Variants in CACNA1A observed in about 807,000 individuals in gnomAD.
CACNA1A encodes calcium voltage-gated channel subunit alpha1 A, also known as voltage-dependent P/Q-type calcium channel subunit alpha-1A.
A neutral mutation model predicts 262.4 loss-of-function variants in CACNA1A; 57 were observed. The observed-to-expected ratio is 0.22, with a 90% confidence interval of 0.18 to 0.27. The LOEUF is 0.27. CACNA1A is among the 10% of genes least tolerant of loss of function. CACNA1A has a pLI of 1.00. For synonymous variants in CACNA1A, 1,431 were observed against 1,419.3 expected (o/e 1.01, Z -0.18); for missense variants, 2,526 against 3,562.8 (o/e 0.71, Z 7.41).
intron 3 of CACNA1A, among the ~76,000 whole-genome samples, chr19:13,437,434 T>C (rs1376057930): frequency 6.6e-6 from 1 of 152,174 alleles, no homozygotes; most frequent in East Asian, 1.9e-4. Context: ...CTCACGCCTC[T>C]AATCCCAGCA....
chr19:13,302,419 A>C (rs576727997), intron 17 of CACNA1A, among the ~76,000 whole-genome samples: 1 of 152,298 alleles, frequency 6.6e-6, no homozygotes, highest in Non-Finnish European at 1.5e-5. Flanking sequence ...GGTGCTCATT[A>C]AGTGCTTACT....
At chr19:13,411,357 G>A (rs983925312) in intron 3 of CACNA1A, among the ~76,000 whole-genome samples, 6 of 152,152 alleles carry the variant, frequency 3.9e-5, no homozygotes, top group African/African-American at 7.2e-5. Flanking sequence ...TGTCAAGGGC[G>A]GCGCCAGGTG....
chr19:13,245,191 A>T lies in CACNA1A; in HGVS notation c.4941T>A (p.Thr1647=), dbSNP rs765899969. ...CTGGAGGGAGACTTACCCCAAACTC[A>T]GTCACGAGGATATCGGTGATGCTGC... is the stretch of plus-strand genomic sequence containing the variant. ...VLGSITDILV[T]EFGNNFINLS... Residue 1647 remains threonine, a synonymous_variant, in exon 31 of 47, where the codon ACT becomes ACA. Transcript: ENST00000360228. 5.1e-5 allele frequency: 82 copies of T among 1,613,288 alleles called. No homozygotes were observed.
intron 27 of CACNA1A, chr19:13,259,264 G>A: frequency 5.7e-6 from 1 of 174,264 alleles, no homozygotes; most frequent in Admixed American, 6.9e-5. Flanking sequence ...TCGTGTCTCA[G>A]CCTCCTGAGT....
rs199933326 is a variant in CACNA1A, at chr19:13,291,800, G to GT, written c.3090-4835dup. On this transcript the variant is annotated intron_variant, in intron 19 of 46. Coordinates refer to ENST00000360228, the MANE Select transcript of CACNA1A (RefSeq NM_001127222.2). ...CCAGCCTGGGTAACAGAGCAAGACT[G>GT]TTTTTTTTTAAAAAAACCAACTTGG... Among the ~76,000 whole-genome samples, 421 of 150,972 alleles carry GT rather than the reference G, an allele frequency of 2.8e-3. 3 individuals carry two copies. The highest frequency in any genetic ancestry group is 8.4e-3 in the African/African-American group (346 of 41,156).
chr19:13,496,821 A>G (rs1981590565), intron 1 of CACNA1A, among the ~76,000 whole-genome samples: 1 of 152,226 alleles, frequency 6.6e-6, no homozygotes, highest in African/African-American at 2.4e-5. Context: ...TCTTCCATGT[A>G]TAAACACATA....
intron 1 of CACNA1A, among the ~76,000 whole-genome samples, chr19:13,458,701 G>A (rs1421759549): frequency 1.3e-5 from 2 of 152,134 alleles, no homozygotes; most frequent in African/African-American, 4.8e-5. Context: ...CCCACCAGAG[G>A]ATCTGCAGGG....
intron 38 of CACNA1A, among the ~76,000 whole-genome samples, chr19:13,216,969 G>T (rs770112690): frequency 2.6e-5 from 4 of 152,052 alleles, no homozygotes; most frequent in Non-Finnish European, 5.9e-5. Context: ...CCAGTCTCTA[G>T]TAAAAATGCA....
At chr19:13,374,230 C>G (rs1262229312) in intron 3 of CACNA1A, among the ~76,000 whole-genome samples, 1 of 152,044 alleles carries the variant, frequency 6.6e-6, no homozygotes, top group African/African-American at 2.4e-5. Context: ...TGACATACAA[C>G]TTTACAAAAA....
At chr19:13,288,178 A>G (rs946257320) in intron 19 of CACNA1A, among the ~76,000 whole-genome samples, 1 of 151,834 alleles carries the variant, frequency 6.6e-6, no homozygotes, top group Non-Finnish European at 1.5e-5. Flanking sequence ...ATGCTGGGTA[A>G]ACTTACTGTC....
At chr19:13,357,264 C>A (rs529039772) in intron 6 of CACNA1A, among the ~76,000 whole-genome samples, 1 of 152,280 alleles carries the variant, frequency 6.6e-6, no homozygotes, top group East Asian at 1.9e-4. Flanking sequence ...TGACCTTGAG[C>A]AGCAGGATGT....
At chr19:13,222,645 T>C (rs2055276811) in intron 38 of CACNA1A, among the ~76,000 whole-genome samples, 1 of 151,876 alleles carries the variant, frequency 6.6e-6, no homozygotes, top group Non-Finnish European at 1.5e-5. Context: ...TCTGCCCGCC[T>C]CGGCCTCCCA....
chr19:13,224,710 G>A lies in CACNA1A; in HGVS notation c.5688C>T (p.Leu1896=). Residue 1896 remains leucine (L), a synonymous_variant, in exon 38 of 47, where the codon CTC becomes CTT. Transcript: ENST00000360228. ...DDNTVHFNST[L]MALIRTALDI... ...CCAGGGCTGTGCGGATCAGAGCCAT[G>A]AGGGTGGAATTGAAGTGGACGGTGT... 6.2e-7 allele frequency: 1 copy of A among 1,613,096 alleles called. No individual in the cohort carries two copies. Among genetic ancestry groups the A allele is most frequent in the Non-Finnish European group, 8.5e-7 (1 of 1,179,592 alleles).
intron 19 of CACNA1A, among the ~76,000 whole-genome samples, chr19:13,292,173 T>C (rs1006863907): frequency 6.6e-6 from 1 of 152,172 alleles, no homozygotes; most frequent in African/African-American, 2.4e-5. Context: ...GCCACTGGGC[T>C]CGGCCACCTG....
chr19:13,241,775 G>A lies in CACNA1A; in HGVS notation c.4950+3407C>T, dbSNP rs913882655. The stretch of plus-strand genomic sequence containing the variant: ...TTTTGATTGGATGAGTTTTTCAGAC[G>A]GCGTTGCGCCAATATACAGTTTTAA... On this transcript the variant is annotated intron_variant, in intron 31 of 46. Coordinates refer to ENST00000360228, the MANE Select transcript of CACNA1A (RefSeq NM_001127222.2). This position sits in a 1 kb window ranked among gnomAD's most constrained non-coding sequence, Gnocchi z 4.0. Among the ~76,000 whole-genome samples, 5 of 152,114 alleles carry A rather than the reference G, an allele frequency of 3.3e-5. No homozygotes were observed. The highest frequency in any genetic ancestry group is 7.4e-5 in the Non-Finnish European group (5 of 68,026).
At chr19:13,266,822 G>C (rs111600753) in intron 24 of CACNA1A, among the ~76,000 whole-genome samples, 3,892 of 152,164 alleles carry the variant, frequency 0.026, 157 homozygotes, top group African/African-American at 0.089. Flanking sequence ...TGATCTACCC[G>C]CCTCGGCCTC....
In CACNA1A at chr19:13,209,326, G is replaced by T; in HGVS notation, c.6512C>A (p.Thr2171Asn). ...GGGCTGCCCACCTGTGTCCACATCGGTGTAGCGGCCCAGGGAGCGCTCAGA... is the reference window on the plus strand; with the variant it reads ...GGGCTGCCCACCTGTGTCCACATCGTTGTAGCGGCCCAGGGAGCGCTCAGA... ...RASERSLGRY[T>N]DVDTGLGTDL... Residue 2171 changes from threonine to asparagine, a missense_variant, in exon 45 of 47, where the codon ACC becomes AAC. Transcript: ENST00000360228. 7.1e-7 allele frequency: 1 copy of T among 1,400,686 alleles called. No individual in the cohort carries two copies. Among genetic ancestry groups the T allele is most frequent in the South Asian group, 1.7e-5 (1 of 59,282 alleles). 86.8% of individuals were successfully genotyped at this position (1,400,686 alleles called of 1,614,324 possible).
At chr19:13,394,523 A>T (rs559707407) in intron 3 of CACNA1A, among the ~76,000 whole-genome samples, 228 of 152,278 alleles carry the variant, frequency 1.5e-3, no homozygotes, top group Non-Finnish European at 2.9e-3. Context: ...GGGGATTCTG[A>T]AGACTCAGCT....
At chr19:13,467,885 A>G (rs375933756) in intron 1 of CACNA1A, among the ~76,000 whole-genome samples, 281 of 152,132 alleles carry the variant, frequency 1.8e-3, no homozygotes, top group African/African-American at 6.3e-3. Context: ...GATTACAGGC[A>G]TGAGCCACCA....
Sources: gnomAD v4.1 joint callset for allele counts (sites outside exome capture counted in the v4.1 genomes callset) on GRCh38, gnomAD v4.1.1 for gene constraint, Gnocchi (gnomAD v3.1) non-coding constraint, MANE v1.5 for transcripts, NCBI Gene and HGNC (gene_info 2026-07-23, HGNC 2026-07-21) for gene names.